Variants in ADGRL3 observed in about 807,000 individuals in gnomAD.
The protein encoded by ADGRL3 is calcium-independent alpha-latrotoxin receptor 3.
ADGRL3 carries 62 observed loss-of-function variants against 153.5 expected under a neutral mutation model. The ratio of observed to expected loss-of-function variants is 0.40; its 90% CI spans 0.33 to 0.50. ADGRL3 has a LOEUF of 0.50. Among genes scored for constraint, ADGRL3 ranks in the 20% least tolerant of loss-of-function variants. The pLI, the probability that ADGRL3 is intolerant of heterozygous loss-of-function variation, is 0.47. For synonymous variants in ADGRL3, 710 were observed against 672.5 expected, an observed-to-expected ratio of 1.06 and a Z score of -0.86; for missense variants, 1,641 against 1,859.4, an observed-to-expected ratio of 0.88 and a Z score of 2.16.
chr4:61,799,786 G>C (rs925985171), intron 8 of ADGRL3, among the ~76,000 whole-genome samples: 3 of 152,062 alleles, frequency 2.0e-5, no homozygotes, highest in African/African-American at 7.2e-5. Context: ...GCAACTGTGA[G>C]ATAGTGATGA....
At chr4:61,583,266 C>CTTG (rs2098933538) in intron 4 of ADGRL3, among the ~76,000 whole-genome samples, 2 of 152,120 alleles carry the variant, frequency 1.3e-5, no homozygotes, top group Admixed American at 1.3e-4. Context: ...CTTGATCGGT[C>CTTG]ACCTACTTCT....
At chr4:61,932,073 G>GTA (rs1030641111) in intron 13 of ADGRL3, among the ~76,000 whole-genome samples, 7 of 151,592 alleles carry the variant, frequency 4.6e-5, no homozygotes, top group African/African-American at 1.5e-4. Context: ...AGTCTTTTAT[G>GTA]TATATATATA....
intron 9 of ADGRL3, among the ~76,000 whole-genome samples, chr4:61,833,427 C>G (rs768076093): frequency 6.6e-6 from 1 of 152,056 alleles, no homozygotes; most frequent in Non-Finnish European, 1.5e-5. Context: ...TCAGTCTCCC[C>G]GAGCATTCAG....
At chr4:61,357,534 G>C (rs2151431769) in intron 1 of ADGRL3, among the ~76,000 whole-genome samples, 1 of 152,214 alleles carries the variant, frequency 6.6e-6, no homozygotes, top group South Asian at 2.1e-4. Context: ...TTACATAGTT[G>C]TAATATTCCT....
intron 1 of ADGRL3, among the ~76,000 whole-genome samples, chr4:61,332,511 A>G (rs2095593870): frequency 6.6e-6 from 1 of 152,082 alleles, no homozygotes; most frequent in Non-Finnish European, 1.5e-5. Flanking sequence ...TGTAATATGA[A>G]GTTTCTAATT....
At chr4:61,681,876 T>C (rs2095343933) in intron 6 of ADGRL3, among the ~76,000 whole-genome samples, 1 of 152,028 alleles carries the variant, frequency 6.6e-6, no homozygotes, top group Non-Finnish European at 1.5e-5. Flanking sequence ...TTTAGAAAGA[T>C]CACAAAAATG....
Position 62,076,700 on chromosome 4 carries a change from T to G in ADGRL3, c.*5792T>G, listed in dbSNP as rs1194811718. 1.3e-5 allele frequency: 2 copies of G among 151,940 alleles called. No individual in the cohort carries two copies. Among genetic ancestry groups the G allele is most frequent in the African/African-American group, 4.8e-5 (2 of 41,430 alleles). The allele number at this position is 151,940 out of a possible 1,614,324, so 9.4% of individuals were successfully genotyped here. On this transcript the variant is annotated 3_prime_UTR_variant, in exon 27 of 27. Coordinates refer to ENST00000683033, the MANE Select transcript of ADGRL3 (RefSeq NM_001387552.1). ...AATACTTTAAACACTCTTGAGATAT[T>G]TCGTATCTAGCTATACCTTGTCTCA...
intron 6 of ADGRL3, among the ~76,000 whole-genome samples, chr4:61,722,062 A>G (rs1257419628): frequency 6.6e-6 from 1 of 152,188 alleles, no homozygotes; most frequent in African/African-American, 2.4e-5. Flanking sequence ...TAAATGAGAA[A>G]AATGAAGCCA....
At chr4:61,491,814 A>G (rs1156322046) in intron 2 of ADGRL3, among the ~76,000 whole-genome samples, 4 of 152,162 alleles carry the variant, frequency 2.6e-5, no homozygotes, top group Non-Finnish European at 4.4e-5. Flanking sequence ...CCACGTTACT[A>G]TAAATTAATT....
intron 8 of ADGRL3, among the ~76,000 whole-genome samples, chr4:61,743,324 C>CAA (rs752363213): frequency 1.9e-3 from 96 of 50,378 alleles, no homozygotes; most frequent in Middle Eastern, 0.029. Flanking sequence ...GACTCCATCT[C>CAA]AAAAAAAAAA....
intron 9 of ADGRL3, among the ~76,000 whole-genome samples, chr4:61,821,216 C>G (rs982806076): frequency 7.1e-6 from 1 of 140,078 alleles, no homozygotes; most frequent in African/African-American, 2.6e-5. Flanking sequence ...AAGACATTAA[C>G]TTCTAAAAAA....
chr4:61,666,259 G>A lies in ADGRL3; in HGVS notation c.474-10567G>A, dbSNP rs372991523. 6.3e-4 allele frequency among the ~76,000 whole-genome samples: 96 copies of A among 151,938 alleles called. 2 individuals carry two copies. The South Asian group carries it at 0.02, about 31-fold the overall frequency. ...TCATCTTATGTTTTTCTTTTTAAAG[G>A]CTTTCATGTTACTTGACTTCAATAT... is the stretch of plus-strand genomic sequence containing the variant. On this transcript the variant is annotated intron_variant, in intron 5 of 26. Coordinates refer to ENST00000683033, the MANE Select transcript of ADGRL3 (RefSeq NM_001387552.1).
At chr4:61,721,021 C>T (rs1446767472) in intron 6 of ADGRL3, among the ~76,000 whole-genome samples, 1 of 152,128 alleles carries the variant, frequency 6.6e-6, no homozygotes, top group Non-Finnish European at 1.5e-5. Flanking sequence ...AGGAAGTACC[C>T]AGCAAATATA....
rs1315929007 is a variant in ADGRL3 at position 62,031,607 on chromosome 4, G to T, written c.3588G>T (p.Lys1196Asn). 6.3e-7 allele frequency: 1 copy of T among 1,599,400 alleles called. No homozygotes were observed. The highest frequency in any genetic ancestry group is 8.5e-7 in the Non-Finnish European group (1 of 1,170,870). ...TTATTTTCCATTGTGTCCTACAGAA[G>T]AAGGTAAGCTAGAATTCTTTTTTTA... ...FIFIFHCVLQKKVRKEYGKCL... is the reference protein window; with the variant it reads ...FIFIFHCVLQNKVRKEYGKCL... Residue 1196 changes from lysine to asparagine, a missense_variant, in exon 23 of 27, where the codon AAG becomes AAT. By Grantham distance (94) the Lys-to-Asn change is moderately conservative. Around this residue, in one of 5 missense-constraint regions of ADGRL3, gnomAD observed 517 missense variants for 555.0 expected, o/e 0.93. Transcript: ENST00000683033.
intron 8 of ADGRL3, among the ~76,000 whole-genome samples, chr4:61,764,308 G>A (rs1000717797): frequency 1.1e-4 from 16 of 151,986 alleles, no homozygotes; most frequent in African/African-American, 3.6e-4. Flanking sequence ...GGCTGAGTTC[G>A]AAAAGAGAGT....
At chr4:61,301,088 A>G (rs534326344) in intron 1 of ADGRL3, among the ~76,000 whole-genome samples, 1 of 152,320 alleles carries the variant, frequency 6.6e-6, no homozygotes, top group Admixed American at 6.5e-5. Flanking sequence ...AAATTCTAGC[A>G]TAAAATAATT....
At chr4:61,380,729 G>A (rs1427853326) in intron 1 of ADGRL3, among the ~76,000 whole-genome samples, 1 of 151,732 alleles carries the variant, frequency 6.6e-6, no homozygotes, top group African/African-American at 2.4e-5. Flanking sequence ...TATATTTGCC[G>A]GCATTTATTT....
chr4:61,587,119 T>G lies in ADGRL3; in HGVS notation c.260-108T>G, dbSNP rs564106027. The G allele has an allele frequency of 1.1e-3, 678 of 608,664 alleles. 5 individuals carry two copies. Among genetic ancestry groups the G allele is most frequent in the South Asian group, 3.3e-3 (130 of 38,964 alleles). 37.7% of individuals were successfully genotyped at this position (608,664 alleles called of 1,614,324 possible). On this transcript the variant is annotated intron_variant, in intron 4 of 26. Coordinates refer to ENST00000683033, the MANE Select transcript of ADGRL3 (RefSeq NM_001387552.1). The stretch of plus-strand genomic sequence containing the variant: ...ATTAAAATTATGAATCTTAACTGCT[T>G]TATATCTTCGTATTGATTTACCCCA...
intron 8 of ADGRL3, among the ~76,000 whole-genome samples, chr4:61,779,610 G>C (rs139866148): frequency 2.4e-3 from 324 of 136,816 alleles, no homozygotes; most frequent in Middle Eastern, 0.013. Context: ...ACCCAGCCTC[G>C]GTGCTGCAGT....
Sources: gnomAD v4.1 joint callset for allele counts (sites outside exome capture counted in the v4.1 genomes callset) on GRCh38, gnomAD v4.1.1 for gene constraint, gnomAD v4.1.1 regional missense constraint, MANE v1.5 for transcripts, NCBI Gene and HGNC (gene_info 2026-07-23, HGNC 2026-07-21) for gene names.